The following CNTNAP4 variants were observed in gnomAD, a reference collection of about 807,000 sequenced individuals.
The protein encoded by CNTNAP4 is contactin associated protein family member 4.
Under a neutral mutation model 148.4 loss-of-function variants are expected in CNTNAP4, and 98 were observed. The ratio of observed to expected loss-of-function variants is 0.66; its 90% CI spans 0.56 to 0.78. CNTNAP4 has a LOEUF of 0.78. Ranked by LOEUF, CNTNAP4 falls within the 30% of genes least tolerant of loss-of-function variation. The pLI, the probability that CNTNAP4 is intolerant of heterozygous loss-of-function variation, is 0.00. For missense variants in CNTNAP4, 1,935 were observed against 1,565.6 expected (o/e 1.24, Z -3.98); for synonymous variants, 730 against 565.1 (o/e 1.29, Z -4.14).
intron 19 of CNTNAP4, 56 bp from the exon 20 acceptor site, chr16:76,539,663 A>G: frequency 7.0e-7 from 1 of 1,434,738 alleles, no homozygotes; most frequent in Non-Finnish European, 9.4e-7. Flanking sequence ...TTTTTAAGTA[A>G]GCCGCTCTCA....
At chr16:76,426,034 G>A (rs1478314957) in intron 3 of CNTNAP4, among the ~76,000 whole-genome samples, 1 of 152,110 alleles carries the variant, frequency 6.6e-6, no homozygotes, top group African/African-American at 2.4e-5. Flanking sequence ...TGGTCATATT[G>A]AAATAAAGAG....
chr16:76,456,669 A>G (rs959813371), intron 8 of CNTNAP4, among the ~76,000 whole-genome samples: 1 of 152,208 alleles, frequency 6.6e-6, no homozygotes, highest in African/African-American at 2.4e-5. Context: ...GATTCTTACA[A>G]CACCAAGGTC....
intron 1 of CNTNAP4, among the ~76,000 whole-genome samples, chr16:76,313,491 A>G (rs1287071595): frequency 2.0e-5 from 3 of 152,208 alleles, no homozygotes; most frequent in South Asian, 4.1e-4. Context: ...GTAATTGGCA[A>G]TAATCAGAAT....
intron 4 of CNTNAP4, among the ~76,000 whole-genome samples, chr16:76,434,053 C>T (rs2079716934): frequency 6.7e-6 from 1 of 149,488 alleles, no homozygotes; most frequent in Admixed American, 6.7e-5. Flanking sequence ...TATGCACACA[C>T]ACATATATAG....
At chr16:76,449,433 A>G (rs1009219021) in intron 6 of CNTNAP4, among the ~76,000 whole-genome samples, 4 of 152,238 alleles carry the variant, frequency 2.6e-5, no homozygotes, top group African/African-American at 7.2e-5. Flanking sequence ...TGGTTATAGT[A>G]TTAAACAGAT....
At chr16:76,439,311 T>TGATCAAAA (rs2079951140) in intron 4 of CNTNAP4, among the ~76,000 whole-genome samples, 4 of 151,456 alleles carry the variant, frequency 2.6e-5, no homozygotes, top group Non-Finnish European at 4.4e-5. Context: ...GAGATAACTT[T>TGATCAAAA]GAGATAAACG....
intron 18 of CNTNAP4, among the ~76,000 whole-genome samples, chr16:76,536,703 T>C (rs1288987716): frequency 6.6e-6 from 1 of 152,178 alleles, no homozygotes; most frequent in Non-Finnish European, 1.5e-5. Flanking sequence ...TGAAATAAAA[T>C]AGTAGAATAC....
intron 4 of CNTNAP4, among the ~76,000 whole-genome samples, 188 bp downstream of exon 4, chr16:76,427,787 T>C (rs140305878): frequency 4.3e-3 from 655 of 152,344 alleles, no homozygotes; most frequent in Non-Finnish European, 6.4e-3. Flanking sequence ...ACTTTAACAT[T>C]TTAATTCAGA....
intron 4 of CNTNAP4, among the ~76,000 whole-genome samples, chr16:76,442,769 A>G (rs2080093882): frequency 6.6e-6 from 1 of 152,140 alleles, no homozygotes; most frequent in Admixed American, 6.6e-5. Context: ...CTCATGGTTC[A>G]AACCCTTTCC....
intron 3 of CNTNAP4, among the ~76,000 whole-genome samples, chr16:76,367,725 G>C (rs56908627): frequency 0.025 from 3,873 of 152,264 alleles, 157 homozygotes; most frequent in African/African-American, 0.089. Flanking sequence ...GGCTTGGTGG[G>C]TGTTATTGAA....
At chr16:76,439,685 C>A (rs1037381299) in intron 4 of CNTNAP4, among the ~76,000 whole-genome samples, 1 of 152,064 alleles carries the variant, frequency 6.6e-6, no homozygotes. Context: ...TTGTTACTGA[C>A]CTTAACTTGG....
chr16:76,402,402 C>T (rs1423757957), intron 3 of CNTNAP4, among the ~76,000 whole-genome samples: 3 of 151,274 alleles, frequency 2.0e-5, no homozygotes, highest in South Asian at 4.2e-4. Flanking sequence ...TCTCCTTTGT[C>T]ACTTCTAATT....
chr16:76,278,687 A>G (rs536822582), intron 1 of CNTNAP4, among the ~76,000 whole-genome samples: 175 of 152,316 alleles, frequency 1.1e-3, no homozygotes, highest in Admixed American at 1.9e-3. Flanking sequence ...GGAAAAGCTC[A>G]TTTGCTTTCC....
In CNTNAP4 at chr16:76,558,676, T is replaced by C; in HGVS notation, c.3920T>C (p.Phe1307Ser). Residue 1307 changes from phenylalanine to serine, a missense_variant, in exon 24 of 24, where the codon TTC (phenylalanine) becomes TCC (serine). Phe to Ser is a radical substitution (Grantham distance 155). Transcript: ENST00000611870. ...GTCAATGAAAATCAGAAAGAGTACT[T>C]CTTCTGATTGGCAGCTATGATTTAA... ...NAVNENQKEY[F>S]F is the part of the protein sequence containing the mutation. 6.2e-7 allele frequency: 1 copy of C among 1,600,692 alleles called. No individual in the cohort carries two copies. Among genetic ancestry groups the C allele is most frequent in the South Asian group, 1.1e-5 (1 of 89,036 alleles).
At chr16:76,541,478 A>G (rs1488868930) in intron 21 of CNTNAP4, among the ~76,000 whole-genome samples, 1 of 152,234 alleles carries the variant, frequency 6.6e-6, no homozygotes, top group Non-Finnish European at 1.5e-5. Flanking sequence ...TTAATCATTA[A>G]GAGTATTGGA....
chr16:76,538,681 T>A (rs1357155248), intron 19 of CNTNAP4, among the ~76,000 whole-genome samples: 1 of 152,076 alleles, frequency 6.6e-6, no homozygotes, highest in African/African-American at 2.4e-5. Context: ...ATAAGGTGTC[T>A]TGTTGTATGT....
At chr16:76,335,776 G>A (rs568564461) in intron 2 of CNTNAP4, among the ~76,000 whole-genome samples, 32 of 152,158 alleles carry the variant, frequency 2.1e-4, no homozygotes, top group Non-Finnish European at 3.7e-4. Context: ...GGCATGTGAG[G>A]AGAACTAAAA....
rs572719105 is a variant in CNTNAP4 at position 76,367,321 on chromosome 16, A to G, written c.390+11810A>G. 4.0e-3 allele frequency among the ~76,000 whole-genome samples: 614 copies of G among 152,242 alleles called. 2 individuals carry two copies. Among genetic ancestry groups the G allele is most frequent in the Non-Finnish European group, 6.6e-3 (447 of 68,014 alleles). On this transcript the variant is annotated intron_variant, in intron 3 of 23. Coordinates refer to ENST00000611870, the MANE Select transcript of CNTNAP4 (RefSeq NM_033401.5). ...ATGCAGAAAAAAGTATTAAAAGAAA[A>G]TATAGGACAATGTAAAGATACACAT...
intron 3 of CNTNAP4, among the ~76,000 whole-genome samples, chr16:76,366,396 T>C (rs2014139548): frequency 6.6e-6 from 1 of 152,220 alleles, no homozygotes; most frequent in Non-Finnish European, 1.5e-5. Context: ...TGGTTTTCTG[T>C]TCGTGCATTA....
Sources: gnomAD v4.1 joint callset for allele counts (sites outside exome capture counted in the v4.1 genomes callset) on GRCh38, gnomAD v4.1.1 for gene constraint, MANE v1.5 for transcripts, NCBI Gene and HGNC (gene_info 2026-07-23, HGNC 2026-07-21) for gene names.